MEIKIN: variants seen among roughly 807,000 people sequenced by gnomAD.
MEIKIN encodes meiosis-specific kinetochore protein.
At chr5:131,842,250 C>T (rs1749928500) in intron 11 of MEIKIN, among the ~76,000 whole-genome samples, 1 of 152,190 alleles carries the variant, frequency 6.6e-6, no homozygotes, top group Admixed American at 6.6e-5. Flanking sequence ...CAGGTGTGAG[C>T]CACCTTGCCT....
chr5:131,935,828 G>C (rs1388258624), intron 4 of MEIKIN, among the ~76,000 whole-genome samples: 1 of 152,116 alleles, frequency 6.6e-6, no homozygotes, highest in African/African-American at 2.4e-5. Flanking sequence ...TTCTCCAGCT[G>C]CCACTGGAAC....
chr5:131,879,663 C>A (rs1465178972), intron 8 of MEIKIN, among the ~76,000 whole-genome samples: 5 of 152,306 alleles, frequency 3.3e-5, no homozygotes. Flanking sequence ...TATTTCCTCT[C>A]CTCCTATTTA....
intron 9 of MEIKIN, among the ~76,000 whole-genome samples, chr5:131,860,499 G>A (rs939559640): frequency 4.6e-5 from 7 of 151,952 alleles, no homozygotes; most frequent in Non-Finnish European, 8.8e-5. Flanking sequence ...ACACTGGACT[G>A]CAGTGGTGTG....
chr5:131,903,364 T>C (rs928337269), intron 8 of MEIKIN, among the ~76,000 whole-genome samples: 3 of 151,866 alleles, frequency 2.0e-5, no homozygotes, highest in Non-Finnish European at 2.9e-5. Context: ...TTCTCCAAGG[T>C]CAAAATGAAA....
chr5:131,897,694 G>A (rs376515567), intron 8 of MEIKIN, among the ~76,000 whole-genome samples: 6 of 152,028 alleles, frequency 3.9e-5, no homozygotes, highest in East Asian at 3.9e-4. Context: ...ATTGAAGCTC[G>A]TGCATGCATC....
At chr5:131,830,627 A>G (rs1031345534) in intron 11 of MEIKIN, among the ~76,000 whole-genome samples, 1 of 152,222 alleles carries the variant, frequency 6.6e-6, no homozygotes, top group Non-Finnish European at 1.5e-5. Context: ...GGATTAGCCA[A>G]TTATAGTTTA....
intron 1 of MEIKIN, 24 bp downstream of exon 1, chr5:131,945,376 G>A (rs1039154705): frequency 1.3e-5 from 5 of 398,908 alleles, no homozygotes; most frequent in Non-Finnish European, 2.2e-5. Context: ...CTGAGCTTAC[G>A]GTGGGCGAGC....
intron 11 of MEIKIN, among the ~76,000 whole-genome samples, chr5:131,835,429 A>G (rs1749789016): frequency 6.6e-6 from 1 of 152,114 alleles, no homozygotes; most frequent in Non-Finnish European, 1.5e-5. Flanking sequence ...TATCCAAGAA[A>G]TCACTGCTAA....
At chr5:131,832,717 T>G (rs978741499) in intron 11 of MEIKIN, among the ~76,000 whole-genome samples, 1 of 152,236 alleles carries the variant, frequency 6.6e-6, no homozygotes, top group African/African-American at 2.4e-5. Context: ...CCTCAATTCT[T>G]GACTTCTGTG....
At chr5:131,872,284 A>G (rs1349232589) in intron 9 of MEIKIN, among the ~76,000 whole-genome samples, 1 of 152,218 alleles carries the variant, frequency 6.6e-6, no homozygotes, top group African/African-American at 2.4e-5. Context: ...TAGAATAACC[A>G]ATGCAGAGAA....
At chr5:131,933,007 C>A (rs573688938) in intron 5 of MEIKIN, among the ~76,000 whole-genome samples, 21 of 152,042 alleles carry the variant, frequency 1.4e-4, no homozygotes, top group Non-Finnish European at 2.2e-4. Context: ...GAGCGTATTA[C>A]TTTAAAGAAA....
intron 7 of MEIKIN, among the ~76,000 whole-genome samples, chr5:131,914,602 GAAGGGAAGGA>G (rs150685580): frequency 0.81 from 95,008 of 117,780 alleles, 36,426 homozygotes; most frequent in Non-Finnish European, 0.85. Flanking sequence ...GAAGGGAAGG[GAAGGGAAGGA>G]AAGGGAAGGA....
intron 9 of MEIKIN, among the ~76,000 whole-genome samples, chr5:131,862,278 T>C (rs1750299043): frequency 6.6e-6 from 1 of 152,196 alleles, no homozygotes; most frequent in Non-Finnish European, 1.5e-5. Flanking sequence ...AATTCTGTGG[T>C]ATCAGTAGTA....
At chr5:131,836,432 C>G (rs1184000402) in intron 11 of MEIKIN, among the ~76,000 whole-genome samples, 5 of 152,106 alleles carry the variant, frequency 3.3e-5, no homozygotes, top group Admixed American at 1.3e-4. Flanking sequence ...ATTGCTGGGT[C>G]GAATGGTAGT....
At chr5:131,879,210 T>C (rs907204510) in intron 8 of MEIKIN, among the ~76,000 whole-genome samples, 162 bp from the exon 9 acceptor site, 1 of 152,196 alleles carries the variant, frequency 6.6e-6, no homozygotes, top group Non-Finnish European at 1.5e-5. Context: ...GAAAAATTAA[T>C]GTATGTTGAA....
At chr5:131,864,575 T>G (rs574006413) in intron 9 of MEIKIN, among the ~76,000 whole-genome samples, 61 of 152,384 alleles carry the variant, frequency 4.0e-4, no homozygotes, top group African/African-American at 1.4e-3. Flanking sequence ...GTAAGGCTTC[T>G]GCTGAGAGAG....
chr5:131,821,084 C>T (rs1450155142), intron 11 of MEIKIN, among the ~76,000 whole-genome samples: 3 of 151,994 alleles, frequency 2.0e-5, no homozygotes, highest in Non-Finnish European at 4.4e-5. Flanking sequence ...CTTTAAGATG[C>T]GTCATTAGAT....
intron 8 of MEIKIN, among the ~76,000 whole-genome samples, chr5:131,883,862 G>A (rs979458278): frequency 3.9e-5 from 6 of 152,160 alleles, no homozygotes; most frequent in African/African-American, 1.4e-4. Flanking sequence ...TTTGGAAGGA[G>A]AGTAAAGGGA....
At chr5:131,896,697 T>A (rs1028079372) in intron 8 of MEIKIN, among the ~76,000 whole-genome samples, 1 of 152,220 alleles carries the variant, frequency 6.6e-6, no homozygotes, top group Non-Finnish European at 1.5e-5. Flanking sequence ...GAGACTAGGA[T>A]TGCAACTACT....
Sources: allele counts gnomAD v4.1 joint callset (sites outside exome capture counted in the v4.1 genomes callset), GRCh38; gene constraint gnomAD v4.1.1; transcripts MANE v1.5; gene names NCBI Gene and HGNC (gene_info 2026-07-23, HGNC 2026-07-21).